Variants in BCORL1 observed in about 807,000 individuals in gnomAD.
BCORL1 encodes the protein BCL-6 corepressor-like protein 1.
Under a neutral mutation model 87.6 loss-of-function variants are expected in BCORL1, and 7 were observed. That is an observed-to-expected ratio of 0.08 (90% CI 0.05 to 0.15). BCORL1 has a LOEUF of 0.15. Ranked by LOEUF, BCORL1 falls within the 10% of genes least tolerant of loss-of-function variation. The pLI is 1.00. For synonymous variants in BCORL1, 591 were observed against 634.4 expected, an observed-to-expected ratio of 0.93 and a Z score of 1.03; for missense variants, 1,215 against 1,499.7, an observed-to-expected ratio of 0.81 and a Z score of 3.13.
At chrX:129,980,890 G>T (rs1265889160), upstream of BCORL1, among the ~76,000 whole-genome samples, 3 of 108,400 alleles carry the variant, frequency 2.8e-5, no homozygotes. Flanking sequence ...GGCCGGACCC[G>T]CAGGGAGAGG....
In BCORL1 at chrX:130,013,703, G is replaced by C. The variant is rs1328461679; in HGVS notation, c.931G>C (p.Ala311Pro). 8.3e-7 allele frequency: 1 copy of C among 1,207,185 alleles called. No individual in the cohort carries two copies. The highest frequency in any genetic ancestry group is 1.8e-5 in the African/African-American group (1 of 56,881). ...TGCCCCGCTTTCAGTCCCAGTTTCAGCTCCTCCCTTGGCTCTCATCCAGGC... is the reference window on the plus strand; with the variant it reads ...TGCCCCGCTTTCAGTCCCAGTTTCACCTCCTCCCTTGGCTCTCATCCAGGC... ...APAPLSVPVS[A>P]PPLALIQAPV... Residue 311 changes from alanine (A) to proline (P), a missense_variant, in exon 4 of 14, where the codon GCT becomes CCT. By Grantham distance (27) the Ala-to-Pro change is conservative. Transcript: ENST00000540052.
intron 11 of BCORL1, among the ~76,000 whole-genome samples, chrX:130,044,569 G>T (rs375409728): frequency 3.6e-5 from 4 of 109,892 alleles, no homozygotes; most frequent in African/African-American, 9.9e-5. Flanking sequence ...GAGTGCAATG[G>T]CACGATCTTG....
chrX:130,014,225 C>T lies in BCORL1; in HGVS notation c.1453C>T (p.Leu485=). 8.3e-7 allele frequency: 1 copy of T among 1,211,296 alleles called. No homozygotes were observed. Among genetic ancestry groups the T allele is most frequent in the Non-Finnish European group, 1.1e-6 (1 of 895,300 alleles). Reference sequence around the variant, plus strand: ...TACGCTCCCTGTCCTGCCGTCCTACCTGCAGGACAGGTGTCTCCCAGGCGT... The same window carrying T: ...TACGCTCCCTGTCCTGCCGTCCTACTTGCAGGACAGGTGTCTCCCAGGCGT... The part of the protein sequence containing the change: ...TLTLPVLPSY[L]QDRCLPGVLA... Residue 485 remains leucine, a synonymous_variant, in exon 4 of 14, where the codon CTG becomes TTG. Coordinates refer to ENST00000540052, the MANE Select transcript of BCORL1 (RefSeq NM_001379451.1).
chrX:130,025,497 C>A, intron 7 of BCORL1, 118 bp downstream of exon 7: 1 of 686,973 alleles, frequency 1.5e-6, no homozygotes, highest in Non-Finnish European at 2.1e-6. Context: ...CTATGATCTC[C>A]AGCTGCCAGA....
intron 1 of BCORL1, among the ~76,000 whole-genome samples, chrX:130,004,709 A>G (rs1249850355): frequency 8.9e-6 from 1 of 112,135 alleles, no homozygotes; most frequent in African/African-American, 3.2e-5. Flanking sequence ...GACTTACGAA[A>G]AAAAGCATGT....
At chrX:130,055,732 T>G in intron 13 of BCORL1, 122 bp from the exon 14 acceptor site, 1 of 772,902 alleles carries the variant, frequency 1.3e-6, no homozygotes. Context: ...AGACTGGCAG[T>G]GAGTTATAAT....
rs776041324 is a variant in BCORL1 at position 130,014,379 on chromosome X, C to T, written c.1607C>T (p.Thr536Ile). ...TGCACTTCCCCATCCGGTAGCACCA[C>T]CACCCAGCCTGCACCCGATGGGGTC... ...LPCTSPSGST[T>I]TQPAPDGVPG... The change falls in exon 4 of 14, where the codon ACC becomes ATC. Residue 536 changes from threonine to isoleucine, a missense_variant. By Grantham distance (89) the Thr-to-Ile change is moderately conservative. Transcript: ENST00000540052. The T allele has an allele frequency of 8.3e-7, 1 of 1,211,869 alleles. No individual in the cohort carries two copies. The highest frequency in any genetic ancestry group is 2.2e-5 in the Admixed American group (1 of 46,043).
chrX:130,050,830 T>G, intron 12 of BCORL1, 36 bp downstream of exon 12: 1 of 1,133,149 alleles, frequency 8.8e-7, no homozygotes, highest in East Asian at 3.0e-5. Context: ...ACCCTTCTTC[T>G]CAAGGACAGG....
At chrX:130,033,950 C>T (rs1603148572) in intron 8 of BCORL1, among the ~76,000 whole-genome samples, 1 of 110,627 alleles carries the variant, frequency 9.0e-6, no homozygotes, top group African/African-American at 3.3e-5. Flanking sequence ...CCACTGCACT[C>T]CAGCCTCAGT....
intron 10 of BCORL1, among the ~76,000 whole-genome samples, chrX:130,038,575 G>A (rs748267155): frequency 3.5e-4 from 38 of 109,490 alleles, no homozygotes; most frequent in Admixed American, 1.3e-3. Flanking sequence ...TCTGCCTCCC[G>A]GTTTCAAGCA....
intron 8 of BCORL1, among the ~76,000 whole-genome samples, chrX:130,031,861 GATGACAAT>G (rs1474315936): frequency 8.9e-6 from 1 of 111,778 alleles, no homozygotes; most frequent in African/African-American, 3.3e-5. Context: ...ACAGAAAAAT[GATGACAAT>G]ATGAACCCTG....
intron 9 of BCORL1, among the ~76,000 whole-genome samples, chrX:130,035,503 T>C (rs1225522599): frequency 9.0e-6 from 1 of 111,713 alleles, no homozygotes; most frequent in Non-Finnish European, 1.9e-5. Context: ...AGTTGCTGGG[T>C]TAGTTACAGA....
At chrX:130,016,614 G>A in intron 4 of BCORL1, among the ~76,000 whole-genome samples, 1 of 112,230 alleles carries the variant, frequency 8.9e-6, no homozygotes, top group Admixed American at 9.4e-5. Flanking sequence ...TGAGAACTTA[G>A]GGATGGGGAG....
chrX:130,002,812 A>G (rs1351971395), intron 1 of BCORL1, among the ~76,000 whole-genome samples: 1 of 107,914 alleles, frequency 9.3e-6, no homozygotes, highest in Non-Finnish European at 1.9e-5. Flanking sequence ...GGGATGAGAA[A>G]GAGGGAAGAA....
intron 13 of BCORL1, among the ~76,000 whole-genome samples, chrX:130,053,134 G>A (rs892166168): frequency 3.6e-5 from 4 of 111,755 alleles, no homozygotes; most frequent in African/African-American, 1.3e-4. Flanking sequence ...GTGAGACTCC[G>A]TCTCAAAATA....
At chrX:130,020,896 G>A (rs1929748207) in intron 4 of BCORL1, 89 bp from the exon 5 acceptor site, 1 of 1,009,653 alleles carries the variant, frequency 9.9e-7, no homozygotes, top group East Asian at 3.6e-5. Flanking sequence ...CATGCCTCTA[G>A]GTCAGAAACG....
chrX:130,025,258 GGAA>G lies in BCORL1; in HGVS notation c.3963_3965del (p.Glu1324del), dbSNP rs1292902846. On this transcript the variant is annotated inframe_deletion, in exon 7 of 14. Transcript: ENST00000540052. ...TGTGGGACACCAATGAGGAGGAGGA[GGAA>G]GAAGAGGAGGAGGGCCTGCTGAAGA... 8.3e-7 allele frequency: 1 copy of G among 1,209,886 alleles called. No individual in the cohort carries two copies.
intron 1 of BCORL1, among the ~76,000 whole-genome samples, chrX:129,991,836 T>C (rs1927205030): frequency 9.7e-6 from 1 of 103,512 alleles, no homozygotes; most frequent in Non-Finnish European, 2.0e-5. Flanking sequence ...TTTTTTTTTT[T>C]TGTATTTTTA....
intron 11 of BCORL1, among the ~76,000 whole-genome samples, chrX:130,039,814 C>T (rs1256475013): frequency 8.8e-6 from 1 of 113,169 alleles, no homozygotes; most frequent in Non-Finnish European, 1.9e-5. Flanking sequence ...CCCCTTCCTT[C>T]CGTTCCTTTT....
Sources: gnomAD v4.1 joint callset for allele counts (sites outside exome capture counted in the v4.1 genomes callset) on GRCh38, gnomAD v4.1.1 for gene constraint, MANE v1.5 for transcripts, NCBI Gene and HGNC (gene_info 2026-07-23, HGNC 2026-07-21) for gene names.